The following SPATA19 variants were observed in gnomAD, a reference collection of about 807,000 sequenced individuals.
The protein encoded by SPATA19 is spermatogenesis-associated protein 19, mitochondrial.
A neutral mutation model predicts 25.0 loss-of-function variants in SPATA19; 19 were observed. The observed-to-expected ratio is 0.76, with a 90% CI of 0.53 to 1.11. The LOEUF (loss-of-function observed/expected upper bound fraction) is 1.11. SPATA19 is among the 50% of genes most tolerant of loss of function. The probability of loss-of-function intolerance (pLI) is 0.00; values close to 1 mark genes in which losing one functional copy is unlikely to be tolerated. For missense variants in SPATA19, 222 were observed against 211.4 expected (o/e 1.05, Z -0.31); for synonymous variants, 64 against 69.3 (o/e 0.92, Z 0.38).
downstream of SPATA19, among the ~76,000 whole-genome samples, chr11:133,838,596 A>T (rs960278901): frequency 6.6e-6 from 1 of 152,206 alleles, no homozygotes; most frequent in Non-Finnish European, 1.5e-5. Context: ...AACCTAGGCA[A>T]TACCATTCAG....
rs763133824 is a variant in SPATA19 at position 133,844,572 on chromosome 11, C to T, written c.204G>A (p.Arg68=). The T allele has an allele frequency of 1.2e-6, 2 of 1,614,112 alleles. No individual in the cohort carries two copies. Among genetic ancestry groups the T allele is most frequent in the South Asian group, 1.1e-5 (1 of 91,064 alleles). The stretch of plus-strand genomic sequence containing the variant: ...GAGGGGAGTCAGTGGACATCTTCTC[C>T]CTTACACCCTGGGAAGGGTGGTTGA... ...LSINHPSQGV[R]EKMSTDSPPT... Residue 68 remains arginine (R), a synonymous_variant, in exon 3 of 7, where the codon AGG becomes AGA. Coordinates refer to ENST00000299140, the MANE Select transcript of SPATA19 (RefSeq NM_174927.3).
In SPATA19 at chr11:133,845,370, G is replaced by T. The variant is rs139528428; in HGVS notation, c.77C>A (p.Ser26Ter). 6.2e-7 allele frequency: 1 copy of T among 1,609,654 alleles called. No individual in the cohort carries two copies. Among genetic ancestry groups the T allele is most frequent in the Non-Finnish European group, 8.5e-7 (1 of 1,176,036 alleles). The change falls in exon 1 of 7, where the codon TCG (serine) becomes TAG (stop). Residue 26 changes from serine (S) to a stop codon, truncating the protein, a stop_gained and splice_region_variant. Transcript: ENST00000299140. LOFTEE classifies it high-confidence loss of function. ...VGLPFLPITS[S>*]DIDVVESEAV... ...TGTGACTACCACCAAGCTGCTTACCGAACTGGTTATTGGTAGGAAGGGAAG... is the reference window on the plus strand; with the variant it reads ...TGTGACTACCACCAAGCTGCTTACCTAACTGGTTATTGGTAGGAAGGGAAG...
At chr11:133,842,448 G>A (rs1314393310) in intron 5 of SPATA19, 37 bp downstream of exon 5, 1 of 1,563,996 alleles carries the variant, frequency 6.4e-7, no homozygotes, top group South Asian at 1.1e-5. Flanking sequence ...CCTGCCCCCA[G>A]TCAGGAACAC....
At chr11:133,838,768 C>T (rs984747554), downstream of SPATA19, among the ~76,000 whole-genome samples, 48 of 152,226 alleles carry the variant, frequency 3.2e-4, no homozygotes, top group African/African-American at 9.6e-4. Context: ...AGAAAATTTT[C>T]GCAACCTACT....
At chr11:133,843,216 G>C (rs1383928146) in intron 4 of SPATA19, among the ~76,000 whole-genome samples, 1 of 152,086 alleles carries the variant, frequency 6.6e-6, no homozygotes, top group Non-Finnish European at 1.5e-5. Flanking sequence ...TTTTTATACA[G>C]ACGAGATTTT....
rs117735367 is a variant in SPATA19, at chr11:133,841,267, G to A, written c.*10-344C>T. 2.0e-4 allele frequency among the ~76,000 whole-genome samples: 31 copies of A among 152,236 alleles called. No individual in the cohort carries two copies. In the East Asian group the frequency reaches 4.8e-3, roughly 24 times the overall value. ...CCTTCTGTATAATGGGCACAACAACGCCCTCTCTTAAGGTTGTTTTTGGAT... is the reference window on the plus strand; with the variant it reads ...CCTTCTGTATAATGGGCACAACAACACCCTCTCTTAAGGTTGTTTTTGGAT... On this transcript the variant is annotated intron_variant, in intron 6 of 6. Transcript: ENST00000299140.
At chr11:133,837,064 T>C (rs559435901), downstream of SPATA19, among the ~76,000 whole-genome samples, 3 of 152,338 alleles carry the variant, frequency 2.0e-5, no homozygotes, top group East Asian at 3.9e-4. Flanking sequence ...TCAGCGAACA[T>C]CAGTGGTCAT....
intron 6 of SPATA19, 62 bp downstream of exon 6, chr11:133,841,968 C>A: frequency 6.8e-7 from 1 of 1,472,370 alleles, no homozygotes; most frequent in Admixed American, 1.7e-5. Flanking sequence ...CTGCAGTGCC[C>A]CTTCCCACTG....
chr11:133,842,032 G>C lies in SPATA19; in HGVS notation c.*7C>G. ...TCCTCATCCGTCAGCTCTCTCACCTGTTGCTCTCAGCAGTCTGAGGAGGAG... is the reference window on the plus strand; with the variant it reads ...TCCTCATCCGTCAGCTCTCTCACCTCTTGCTCTCAGCAGTCTGAGGAGGAG... On this transcript the variant is annotated splice_region_variant and 3_prime_UTR_variant, in exon 6 of 7. Coordinates refer to ENST00000299140, the MANE Select transcript of SPATA19 (RefSeq NM_174927.3). 6.2e-7 allele frequency: 1 copy of C among 1,613,730 alleles called. No individual in the cohort carries two copies. Among genetic ancestry groups the C allele is most frequent in the Non-Finnish European group, 8.5e-7 (1 of 1,179,696 alleles).
chr11:133,839,495 C>T (rs1938266681), downstream of SPATA19, among the ~76,000 whole-genome samples: 1 of 140,618 alleles, frequency 7.1e-6, no homozygotes, highest in Admixed American at 7.7e-5. Context: ...AACACATGGA[C>T]ACAGGAAGGG....
downstream of SPATA19, among the ~76,000 whole-genome samples, chr11:133,839,347 A>G (rs1938263686): frequency 6.6e-6 from 1 of 152,216 alleles, no homozygotes; most frequent in South Asian, 2.1e-4. Flanking sequence ...AATACTATGC[A>G]GCCATAAAAA....
chr11:133,843,682 G>T (rs1938359149), intron 4 of SPATA19, among the ~76,000 whole-genome samples: 1 of 152,172 alleles, frequency 6.6e-6, no homozygotes, highest in Admixed American at 6.5e-5. Context: ...GTGAACACAG[G>T]TGCAGGAAAG....
intron 2 of SPATA19, 29 bp from the exon 3 acceptor site, chr11:133,844,669 T>A (rs1445849332): frequency 1.9e-6 from 3 of 1,568,900 alleles, no homozygotes; most frequent in Admixed American, 3.7e-5. Flanking sequence ...CCTCTGAAAA[T>A]GTCACTCTGC....
intron 5 of SPATA19, 52 bp downstream of exon 5, chr11:133,842,433 C>T (rs890402468): frequency 4.1e-6 from 6 of 1,461,910 alleles, no homozygotes; most frequent in Non-Finnish European, 5.8e-6. Flanking sequence ...GTCACCCCCA[C>T]CCTACCTGCC....
At chr11:133,844,988 A>G in intron 2 of SPATA19, 146 bp downstream of exon 2, 1 of 736,184 alleles carries the variant, frequency 1.4e-6, no homozygotes, top group Non-Finnish European at 2.3e-6. Context: ...AGCACATGTG[A>G]AGAAATTAGA....
downstream of SPATA19, among the ~76,000 whole-genome samples, chr11:133,840,076 G>A (rs951168534): frequency 6.6e-6 from 1 of 152,082 alleles, no homozygotes; most frequent in Non-Finnish European, 1.5e-5. Context: ...TATCTATAGA[G>A]GAACAAGGAT....
Position 133,845,318 on chromosome 11 carries a change from G to A in SPATA19, c.78+51C>T, listed in dbSNP as rs372839965. The A allele has an allele frequency of 1.3e-5, 20 of 1,524,432 alleles. No individual in the cohort carries two copies. The African/African-American group carries it at 1.8e-4, about 14-fold the overall frequency. The allele number at this position is 1,524,432 out of a possible 1,614,324, so 94.4% of individuals were successfully genotyped here. On this transcript the variant is annotated intron_variant, in intron 1 of 6. Transcript: ENST00000299140. ...TGAAGTGCAGCAGGGTCCCACAGGGGGAGAAGATATATGAAAAATTATTCC... is the reference window on the plus strand; with the variant it reads ...TGAAGTGCAGCAGGGTCCCACAGGGAGAGAAGATATATGAAAAATTATTCC...
At chr11:133,836,462 G>T (rs911582324), downstream of SPATA19, among the ~76,000 whole-genome samples, 2 of 152,174 alleles carry the variant, frequency 1.3e-5, no homozygotes, top group Non-Finnish European at 2.9e-5. Flanking sequence ...AACAACAACC[G>T]AATTGATCCT....
rs748637007 is a variant in SPATA19 at position 133,844,529 on chromosome 11, T to C, written c.247A>G (p.Ile83Val). Residue 83 changes from isoleucine (I) to valine (V), a missense_variant, in exon 3 of 7, where the codon ATC becomes GTC. Transcript: ENST00000299140. ...TTTACCACATCTCTGGTCACGTGGA[T>C]GTCCTGGCCATGGGTGGGAGGGGAG... ...TDSPPTHGQD[I>V]HVTRDVVKHH... is the part of the protein sequence containing the mutation. 6.8e-6 allele frequency: 11 copies of C among 1,614,202 alleles called. No individual in the cohort carries two copies. Among genetic ancestry groups the C allele is most frequent in the Middle Eastern group, 1.6e-4 (1 of 6,062 alleles).
Sources: allele counts gnomAD v4.1 joint callset (sites outside exome capture counted in the v4.1 genomes callset), GRCh38; gene constraint gnomAD v4.1.1; transcripts MANE v1.5; gene names NCBI Gene and HGNC (gene_info 2026-07-23, HGNC 2026-07-21).